The following OSBPL8 variants were observed in gnomAD, a reference collection of about 807,000 sequenced individuals.
OSBPL8 encodes oxysterol-binding protein-related protein 8.
In OSBPL8, 59 loss-of-function variants were observed where a neutral mutation model predicts 125.5. The ratio of observed to expected loss-of-function variants is 0.47; its 90% CI spans 0.38 to 0.58. The LOEUF (loss-of-function observed/expected upper bound fraction) is 0.58. Ranked by LOEUF, OSBPL8 falls within the 20% of genes least tolerant of loss-of-function variation. The probability of loss-of-function intolerance (pLI) is 0.00; values close to 1 mark genes in which losing one functional copy is unlikely to be tolerated. For synonymous variants in OSBPL8, 330 were observed against 338.9 expected, an observed-to-expected ratio of 0.97 and a Z score of 0.29; for missense variants, 758 against 1,047.8, an observed-to-expected ratio of 0.72 and a Z score of 3.82.
At chr12:76,402,426 A>G (rs1249281197) in intron 6 of OSBPL8, among the ~76,000 whole-genome samples, 1 of 152,210 alleles carries the variant, frequency 6.6e-6, no homozygotes, top group Non-Finnish European at 1.5e-5. Context: ...ACAGCTGTAC[A>G]GAGATAACAC....
intron 2 of OSBPL8, among the ~76,000 whole-genome samples, chr12:76,463,954 A>G (rs1213446310): frequency 6.6e-6 from 1 of 152,214 alleles, no homozygotes; most frequent in African/African-American, 2.4e-5. Flanking sequence ...ATGTTGTATA[A>G]CACATGAATA....
At chr12:76,417,169 A>AT (rs1868790473) in intron 4 of OSBPL8, among the ~76,000 whole-genome samples, 1 of 152,112 alleles carries the variant, frequency 6.6e-6, no homozygotes, top group Non-Finnish European at 1.5e-5. Flanking sequence ...AGCCCTTGCT[A>AT]TTTGTTTATC....
At chr12:76,410,476 A>C in intron 5 of OSBPL8, 88 bp downstream of exon 5, 1 of 985,686 alleles carries the variant, frequency 1.0e-6, no homozygotes, top group Non-Finnish European at 1.6e-6. Context: ...AAACATCACA[A>C]AAAAGCTTCA....
At chr12:76,378,889 C>T (rs991558008) in intron 15 of OSBPL8, among the ~76,000 whole-genome samples, 5 of 152,074 alleles carry the variant, frequency 3.3e-5, no homozygotes, top group African/African-American at 1.2e-4. Flanking sequence ...CCTGTCTCAG[C>T]CTCCTGAGTG....
intron 7 of OSBPL8, 66 bp from the exon 8 acceptor site, chr12:76,397,963 C>T: frequency 7.4e-7 from 1 of 1,343,196 alleles, no homozygotes; most frequent in Non-Finnish European, 1.0e-6. Flanking sequence ...GAAAATACTG[C>T]AAATAAGATG....
At chr12:76,518,533 C>T (rs1291406921) in intron 1 of OSBPL8, among the ~76,000 whole-genome samples, 1 of 152,208 alleles carries the variant, frequency 6.6e-6, no homozygotes, top group Non-Finnish European at 1.5e-5. Flanking sequence ...CTAGAGGGGA[C>T]TCTGTGTGGG....
rs1284532525 is a variant in OSBPL8 at position 76,553,967 on chromosome 12, ACT to A, written c.-68+5428_-68+5429del. On this transcript the variant is annotated intron_variant, in intron 1 of 23. Coordinates refer to ENST00000261183, the MANE Select transcript of OSBPL8 (RefSeq NM_020841.5). ...ACTCCAGCCTAGGTGACACAGTGAG[ACT>A]CTATCTCAAAAAAAAAAAAAAAAAA... Among the ~76,000 whole-genome samples the A allele has an allele frequency of 3.1e-4, 31 of 101,220 alleles. No homozygotes were observed. The Admixed American group carries it at 3.7e-3, about 12-fold the overall frequency. 66.4% of individuals were successfully genotyped at this position (101,220 alleles called of 152,430 possible). A position where few individuals can be genotyped will look rare whatever the true frequency, so the allele number is the denominator to read the frequency against.
intron 18 of OSBPL8, 97 bp downstream of exon 18, chr12:76,373,247 G>A (rs1952687096): frequency 5.3e-6 from 4 of 759,898 alleles, no homozygotes; most frequent in Non-Finnish European, 8.3e-6. Context: ...AAATAGTGAT[G>A]TTTTCAGCAA....
intron 2 of OSBPL8, among the ~76,000 whole-genome samples, chr12:76,464,879 A>T (rs1351970396): frequency 2.0e-5 from 3 of 152,214 alleles, no homozygotes; most frequent in African/African-American, 7.2e-5. Flanking sequence ...TGGCTCCAAG[A>T]AACTACAATT....
intron 3 of OSBPL8, among the ~76,000 whole-genome samples, chr12:76,455,033 G>C (rs1397455689): frequency 6.6e-6 from 1 of 150,830 alleles, no homozygotes; most frequent in Non-Finnish European, 1.5e-5. Flanking sequence ...AGGAGATTGA[G>C]ACCATCCTGG....
At chr12:76,426,002 T>C (rs1411592100) in intron 4 of OSBPL8, among the ~76,000 whole-genome samples, 1 of 152,158 alleles carries the variant, frequency 6.6e-6, no homozygotes, top group Non-Finnish European at 1.5e-5. Context: ...CCAACTAGGT[T>C]TGGGCTTGCT....
At position 76,378,468 on chromosome 12, in the gene OSBPL8, T is replaced by C. The variant is rs578041296; in HGVS notation, c.1713A>G (p.Pro571=). 39 of 1,588,866 alleles carry C rather than the reference T, an allele frequency of 2.5e-5. No individual in the cohort carries two copies. Among genetic ancestry groups the C allele is most frequent in the Non-Finnish European group, 3.2e-5 (37 of 1,160,096 alleles). ...NRGEDYVMTM[P]YAHCKGILYG... The stretch of plus-strand genomic sequence containing the variant: ...AATATTTACCTTTACAATGAGCGTA[T>C]GGCATTGTCATTACATAATCTTCAC... Residue 571 remains proline, a synonymous_variant, in exon 16 of 24, where the codon CCA becomes CCG. Transcript: ENST00000261183.
rs56122052 is a variant in OSBPL8 at position 76,532,036 on chromosome 12, CAAA to C, written c.-68+27358_-68+27360del. On this transcript the variant is annotated intron_variant, in intron 1 of 23. Coordinates refer to ENST00000261183, the MANE Select transcript of OSBPL8 (RefSeq NM_020841.5). ...TGGGCAAGAGAGCAAGACTCCTTCT[CAAA>C]AAAAAAAAAAAAAAAAAACTGACCA... Among the ~76,000 whole-genome samples, 36 of 90,016 alleles carry C rather than the reference CAAA, an allele frequency of 4.0e-4. No homozygotes were observed. The East Asian group carries it at 5.7e-3, about 14-fold the overall frequency. 59.1% of individuals were successfully genotyped at this position (90,016 alleles called of 152,430 possible). A position where few individuals can be genotyped will look rare whatever the true frequency, so the allele number is the denominator to read the frequency against.
chr12:76,371,564 A>C lies in OSBPL8; in HGVS notation c.1938T>G (p.Thr646=), dbSNP rs1485578694. 2.5e-6 allele frequency: 4 copies of C among 1,604,198 alleles called. No homozygotes were observed. Among genetic ancestry groups the C allele is most frequent in the Non-Finnish European group, 3.4e-6 (4 of 1,175,588 alleles). ...EGHWDSEVFI[T]DKKTDNSEVF... is the part of the protein sequence containing the mutation. ...CCTCTGAATTATCAGTCTTTTTATC[A>C]GTAATAAAAACTTCACTATCCTATA... Residue 646 remains threonine (T), a synonymous_variant, in exon 19 of 24, where the codon ACT becomes ACG. Transcript: ENST00000261183.
Position 76,353,143 on chromosome 12 carries a change from G to C in OSBPL8, c.*2746C>G, listed in dbSNP as rs1446965516. 14 of 152,432 alleles carry C rather than the reference G, an allele frequency of 9.2e-5. No individual in the cohort carries two copies. In the East Asian group the frequency reaches 2.3e-3, roughly 25 times the overall value. The allele number at this position is 152,432 out of a possible 1,614,324, so 9.4% of individuals were successfully genotyped here. A position where few individuals can be genotyped will look rare whatever the true frequency, so the allele number is the denominator to read the frequency against. ...ATTAAATGAGAGTTGTATTTTACAA[G>C]GCCAACTTTTCAATGGAATGCGGTT... On this transcript the variant is annotated 3_prime_UTR_variant, in exon 24 of 24. Coordinates refer to ENST00000261183, the MANE Select transcript of OSBPL8 (RefSeq NM_020841.5).
intron 9 of OSBPL8, among the ~76,000 whole-genome samples, chr12:76,394,040 C>CA (rs938679216): frequency 1.0e-3 from 157 of 151,674 alleles, no homozygotes; most frequent in African/African-American, 3.5e-3. Context: ...CAAAACAAAA[C>CA]AAAAAAAATC....
intron 15 of OSBPL8, among the ~76,000 whole-genome samples, chr12:76,380,856 TA>T: frequency 6.6e-6 from 1 of 152,216 alleles, no homozygotes. Context: ...ATTTTCACCT[TA>T]AAAGTATGAA....
chr12:76,514,735 C>G (rs1881362593), intron 1 of OSBPL8, among the ~76,000 whole-genome samples: 2 of 152,186 alleles, frequency 1.3e-5, no homozygotes, highest in Admixed American at 6.5e-5. Context: ...GGACAATATC[C>G]TGAAATATGT....
chr12:76,483,660 CTTTTTTTTTTTTTTTTTTTT>C (rs869202382), intron 2 of OSBPL8, among the ~76,000 whole-genome samples: 1 of 57,454 alleles, frequency 1.7e-5, no homozygotes, highest in East Asian at 5.7e-4. Flanking sequence ...CTGTAATAGT[CTTTTTTTTTTTTTTTTTTTT>C]TTTTTTTTTT....
Sources: allele counts gnomAD v4.1 joint callset (sites outside exome capture counted in the v4.1 genomes callset), GRCh38; gene constraint gnomAD v4.1.1; transcripts MANE v1.5; gene names NCBI Gene and HGNC (gene_info 2026-07-23, HGNC 2026-07-21).